Variants in PRKCA observed in about 807,000 individuals in gnomAD.
The protein encoded by PRKCA is protein kinase C alpha type.
A neutral mutation model predicts 87.0 loss-of-function variants in PRKCA; 27 were observed. That is an observed-to-expected ratio of 0.31 (90% CI 0.23 to 0.43). The LOEUF (loss-of-function observed/expected upper bound fraction) is 0.43. PRKCA is among the 20% of genes least tolerant of loss of function. The pLI, the probability that PRKCA is intolerant of heterozygous loss-of-function variation, is 1.00. For synonymous variants in PRKCA, 329 were observed against 311.1 expected (o/e 1.06, Z -0.61); for missense variants, 518 against 852.3 (o/e 0.61, Z 4.88).
intron 2 of PRKCA, among the ~76,000 whole-genome samples, chr17:66,362,732 T>C (rs1395583869): frequency 6.6e-6 from 1 of 151,782 alleles, no homozygotes; most frequent in Non-Finnish European, 1.5e-5. Context: ...TCAGTCTATA[T>C]AGCCCAGGCT....
At chr17:66,525,657 C>T (rs1184777035) in intron 3 of PRKCA, among the ~76,000 whole-genome samples, 1 of 152,142 alleles carries the variant, frequency 6.6e-6, no homozygotes, top group East Asian at 1.9e-4. Flanking sequence ...TGACCCTGAC[C>T]AGAGTTTGGA....
At chr17:66,631,390 C>T (rs1169252070) in intron 3 of PRKCA, among the ~76,000 whole-genome samples, 1 of 152,134 alleles carries the variant, frequency 6.6e-6, no homozygotes, top group South Asian at 2.1e-4. Flanking sequence ...AATACTTACA[C>T]ATTTTAAACA....
intron 3 of PRKCA, among the ~76,000 whole-genome samples, chr17:66,514,814 T>A (rs1966913323): frequency 2.7e-5 from 4 of 148,840 alleles, no homozygotes; most frequent in Admixed American, 2.6e-4. Flanking sequence ...TCCAGCAGTT[T>A]CCATTTACAT....
At chr17:66,596,128 T>G (rs967965918) in intron 3 of PRKCA, among the ~76,000 whole-genome samples, 2 of 152,180 alleles carry the variant, frequency 1.3e-5, no homozygotes, top group Admixed American at 6.5e-5. Flanking sequence ...CTTGCTCCCT[T>G]AGTCTCTGTA....
intron 3 of PRKCA, among the ~76,000 whole-genome samples, chr17:66,537,021 A>G (rs1967814860): frequency 6.6e-6 from 1 of 152,144 alleles, no homozygotes; most frequent in Admixed American, 6.5e-5. Context: ...CCTCTATTTC[A>G]GTAATTCACT....
chr17:66,654,605 A>C (rs907996566), intron 5 of PRKCA, among the ~76,000 whole-genome samples: 5 of 152,224 alleles, frequency 3.3e-5, no homozygotes, highest in South Asian at 2.1e-4. Context: ...CCTTGAGTAC[A>C]GACACAGCCT....
At chr17:66,769,592 T>C (rs1472236944) in intron 13 of PRKCA, among the ~76,000 whole-genome samples, 1 of 152,194 alleles carries the variant, frequency 6.6e-6, no homozygotes, top group Non-Finnish European at 1.5e-5. Context: ...GCAAATTTTG[T>C]TGGGGAAAGC....
intron 14 of PRKCA, chr17:66,775,888 A>G (rs1440354056): frequency 9.7e-6 from 4 of 410,802 alleles, no homozygotes; most frequent in South Asian, 1.0e-4. Flanking sequence ...AGGAAAATGT[A>G]TAACACAGCA....
At chr17:66,506,395 T>TTTACA (rs1916982467) in intron 3 of PRKCA, among the ~76,000 whole-genome samples, 2 of 152,294 alleles carry the variant, frequency 1.3e-5, no homozygotes, top group Admixed American at 1.3e-4. Context: ...AATGATCATA[T>TTTACA]TTACACAGTG....
chr17:66,611,933 T>C (rs1970376294), intron 3 of PRKCA, among the ~76,000 whole-genome samples: 1 of 152,190 alleles, frequency 6.6e-6, no homozygotes, highest in African/African-American at 2.4e-5. Flanking sequence ...GTTGAACATG[T>C]TTTTATGTGT....
chr17:66,438,954 A>G (rs564631154), intron 2 of PRKCA, among the ~76,000 whole-genome samples: 40 of 152,310 alleles, frequency 2.6e-4, no homozygotes, highest in African/African-American at 9.4e-4. Context: ...GGACACAGCC[A>G]AACCATATCA....
intron 3 of PRKCA, among the ~76,000 whole-genome samples, chr17:66,580,180 G>A (rs1182220327): frequency 6.6e-6 from 1 of 152,220 alleles, no homozygotes; most frequent in Non-Finnish European, 1.5e-5. Context: ...TAAGCTGCCT[G>A]TGGCTGATAC....
chr17:66,797,455 G>T (rs868526080), intron 16 of PRKCA, among the ~76,000 whole-genome samples: 1 of 152,186 alleles, frequency 6.6e-6, no homozygotes, highest in Non-Finnish European at 1.5e-5. Flanking sequence ...TATTAATAAC[G>T]TTCCTTCGTC....
chr17:66,474,479 T>C (rs1915456826), intron 2 of PRKCA, among the ~76,000 whole-genome samples: 1 of 152,190 alleles, frequency 6.6e-6, no homozygotes, highest in South Asian at 2.1e-4. Flanking sequence ...AGCTACACTC[T>C]TGCAAAATGG....
chr17:66,367,918 A>G (rs944242099), intron 2 of PRKCA, among the ~76,000 whole-genome samples: 2 of 152,262 alleles, frequency 1.3e-5, no homozygotes, highest in African/African-American at 4.8e-5. Context: ...TAAGCACTTA[A>G]GAGGTATCAG....
intron 3 of PRKCA, among the ~76,000 whole-genome samples, chr17:66,618,584 A>G (rs1970580278): frequency 6.6e-6 from 1 of 152,186 alleles, no homozygotes; most frequent in South Asian, 2.1e-4. Context: ...CAGTTTTGAG[A>G]AAGCTCTGGG....
At chr17:66,535,276 G>A (rs941940472) in intron 3 of PRKCA, among the ~76,000 whole-genome samples, 6 of 152,116 alleles carry the variant, frequency 3.9e-5, no homozygotes, top group African/African-American at 1.4e-4. Context: ...TTGCCAGATG[G>A]GAAAACTCAC....
chr17:66,349,670 T>G (rs1907617389), intron 2 of PRKCA, among the ~76,000 whole-genome samples: 1 of 152,132 alleles, frequency 6.6e-6, no homozygotes, highest in Admixed American at 6.5e-5. Flanking sequence ...AGGTCCTGTA[T>G]TCTCACATCT....
At chr17:66,499,705 T>G (rs1001983785) in intron 3 of PRKCA, among the ~76,000 whole-genome samples, 56 of 152,194 alleles carry the variant, frequency 3.7e-4, no homozygotes, top group African/African-American at 1.3e-3. Flanking sequence ...CCTAATCTTG[T>G]GTTGACTTTC....
Sources: allele counts gnomAD v4.1 joint callset (sites outside exome capture counted in the v4.1 genomes callset), GRCh38; gene constraint gnomAD v4.1.1; transcripts MANE v1.5; gene names NCBI Gene and HGNC (gene_info 2026-07-23, HGNC 2026-07-21).